The following USH2A variants were observed in gnomAD, a reference collection of about 807,000 sequenced individuals.
USH2A encodes the protein Usher syndrome 2A (autosomal recessive, mild).
USH2A carries 443 observed loss-of-function variants against 538.9 expected under a neutral mutation model. That is an observed-to-expected ratio of 0.82 (90% CI 0.76 to 0.89). The LOEUF is 0.89. Ranked by LOEUF, USH2A falls within the 40% of genes least tolerant of loss-of-function variation. The probability of loss-of-function intolerance (pLI) is 0.00; values close to 1 mark genes in which losing one functional copy is unlikely to be tolerated. For missense variants in USH2A, 6,633 were observed against 6,324.8 expected (o/e 1.05, Z -1.65); for synonymous variants, 2,413 against 2,273.5 (o/e 1.06, Z -1.75).
rs189610011 is a variant in USH2A at position 215,884,308 on chromosome 1, T to A, written c.8223+4118A>T. The stretch of plus-strand genomic sequence containing the variant: ...AACATCGGCATTCTGATTTGAATGA[T>A]GTTCAGTTTATATGTTGACTTTGGA... On this transcript the variant is annotated intron_variant, in intron 41 of 71. Coordinates refer to ENST00000307340, the MANE Select transcript of USH2A (RefSeq NM_206933.4). Among the ~76,000 whole-genome samples the A allele has an allele frequency of 3.3e-5, 5 of 152,372 alleles. No homozygotes were observed. The East Asian group carries it at 5.8e-4, about 18-fold the overall frequency.
At chr1:215,653,574 T>C (rs1314867942) in intron 64 of USH2A, among the ~76,000 whole-genome samples, 2 of 152,170 alleles carry the variant, frequency 1.3e-5, no homozygotes, top group Non-Finnish European at 2.9e-5. Context: ...TTCACAAAAC[T>C]TGTATGATGA....
intron 47 of USH2A, among the ~76,000 whole-genome samples, chr1:215,821,331 C>T: frequency 6.6e-6 from 1 of 151,698 alleles, no homozygotes; most frequent in Non-Finnish European, 1.5e-5. Flanking sequence ...AGTTGCAATT[C>T]TCATCTCTTT....
At chr1:216,311,353 A>C (rs529772747) in intron 9 of USH2A, among the ~76,000 whole-genome samples, 1 of 152,270 alleles carries the variant, frequency 6.6e-6, no homozygotes, top group African/African-American at 2.4e-5. Flanking sequence ...CCAGTGTAGA[A>C]AAAAGTGAGT....
chr1:216,342,486 G>T (rs893201653), intron 4 of USH2A, among the ~76,000 whole-genome samples: 9 of 152,090 alleles, frequency 5.9e-5, no homozygotes, highest in Non-Finnish European at 8.8e-5. Flanking sequence ...CCCATTAATG[G>T]GCATATACCC....
At chr1:215,639,018 C>A in intron 69 of USH2A, 137 bp downstream of exon 69, 3 of 833,086 alleles carry the variant, frequency 3.6e-6, no homozygotes, top group Admixed American at 2.3e-5. Flanking sequence ...AAAAAAAACT[C>A]TGACAACACT....
chr1:216,255,914 A>T (rs1273068952), intron 11 of USH2A, among the ~76,000 whole-genome samples: 2 of 152,136 alleles, frequency 1.3e-5, no homozygotes, highest in Non-Finnish European at 2.9e-5. Context: ...TGCTGTTGGT[A>T]CAGAAATATT....
chr1:215,719,133 G>A (rs1163652043), intron 61 of USH2A, among the ~76,000 whole-genome samples: 1 of 152,120 alleles, frequency 6.6e-6, no homozygotes, highest in Non-Finnish European at 1.5e-5. Flanking sequence ...TATGATTTGA[G>A]AAGTGTGAGA....
intron 25 of USH2A, among the ~76,000 whole-genome samples, chr1:216,083,967 T>C (rs1278526554): frequency 6.6e-6 from 1 of 152,112 alleles, no homozygotes; most frequent in Admixed American, 6.6e-5. Context: ...ATTAATATCA[T>C]ATGCCTTTTT....
At chr1:216,143,414 A>G (rs1054222439) in intron 21 of USH2A, among the ~76,000 whole-genome samples, 6 of 152,120 alleles carry the variant, frequency 3.9e-5, no homozygotes, top group Non-Finnish European at 7.4e-5. Flanking sequence ...TTTCATAACT[A>G]TTAGGTGATT....
chr1:216,311,189 T>C (rs2037413708), intron 9 of USH2A, among the ~76,000 whole-genome samples: 2 of 152,196 alleles, frequency 1.3e-5, no homozygotes. Context: ...ATGACAGACC[T>C]ACATCCCCCT....
rs1661140539 is a variant in USH2A, at chr1:215,766,743, G to A, written c.10985C>T (p.Thr3662Ile). 3 of 1,613,528 alleles carry A rather than the reference G, an allele frequency of 1.9e-6. No individual in the cohort carries two copies. The highest frequency in any genetic ancestry group is 1.7e-5 in the Admixed American group (1 of 59,978). Residue 3662 changes from threonine (T) to isoleucine (I), a missense_variant, in exon 56 of 72, where the codon ACA (threonine) becomes ATA (isoleucine). By Grantham distance (89) the Thr-to-Ile change is moderately conservative. Coordinates refer to ENST00000307340, the MANE Select transcript of USH2A (RefSeq NM_206933.4). ...CTCGCTTGAAGTGCACCCAGCAGATGTACAAGCTGTAAGAGTGAAGCTGTA... is the reference window on the plus strand; with the variant it reads ...CTCGCTTGAAGTGCACCCAGCAGATATACAAGCTGTAAGAGTGAAGCTGTA... ...TNYSFTLTAC[T>I]SAGCTSSEPF...
intron 9 of USH2A, among the ~76,000 whole-genome samples, chr1:216,297,406 A>G (rs1319750766): frequency 6.6e-6 from 1 of 152,148 alleles, no homozygotes; most frequent in East Asian, 1.9e-4. Context: ...CATCTTCAAA[A>G]TGAAGATAAC....
intron 11 of USH2A, among the ~76,000 whole-genome samples, chr1:216,278,011 C>T (rs2036703329): frequency 6.6e-6 from 1 of 152,082 alleles, no homozygotes; most frequent in Admixed American, 6.6e-5. Flanking sequence ...TCTGTTTAGC[C>T]TATTCTAACT....
rs1416125197 is a variant in USH2A, at chr1:215,743,414, G to GTCTATATATATA, written c.11390-80_11390-79insTATATATATAGA. ...TGTGTGTGTGTGTGTGTGTGTGTGT[G>GTCTATATATATA]TGTATATATATATAGACACACATAT... is the stretch of plus-strand genomic sequence containing the variant. On this transcript the variant is annotated intron_variant, in intron 58 of 71. Coordinates refer to ENST00000307340, the MANE Select transcript of USH2A (RefSeq NM_206933.4). 3.9e-4 allele frequency: 154 copies of GTCTATATATATA among 393,194 alleles called. 10 individuals carry two copies. Among genetic ancestry groups the GTCTATATATATA allele is most frequent in the Non-Finnish European group, 5.2e-4 (130 of 248,284 alleles). The allele number at this position is 393,194 out of a possible 1,614,324, so 24.4% of individuals were successfully genotyped here.
chr1:215,768,984 G>C (rs1661206353), intron 55 of USH2A, among the ~76,000 whole-genome samples: 1 of 152,148 alleles, frequency 6.6e-6, no homozygotes, highest in African/African-American at 2.4e-5. Flanking sequence ...AAGGATTGCA[G>C]GGATATGAGG....
At chr1:216,399,598 C>G (rs2039273979) in intron 3 of USH2A, among the ~76,000 whole-genome samples, 1 of 152,074 alleles carries the variant, frequency 6.6e-6, no homozygotes, top group Non-Finnish European at 1.5e-5. Context: ...CACTCCATTC[C>G]CCACCTCCCC....
intron 11 of USH2A, among the ~76,000 whole-genome samples, chr1:216,280,450 T>A (rs2036752711): frequency 6.6e-6 from 1 of 151,948 alleles, no homozygotes; most frequent in South Asian, 2.1e-4. Flanking sequence ...GACACAGACA[T>A]AAATTGTATC....
At chr1:216,284,657 G>T (rs2036847294) in intron 11 of USH2A, among the ~76,000 whole-genome samples, 1 of 152,164 alleles carries the variant, frequency 6.6e-6, no homozygotes. Context: ...ACAGGCAGAG[G>T]CTGGAACAGT....
At chr1:215,865,960 C>G (rs1664457786) in intron 44 of USH2A, among the ~76,000 whole-genome samples, 1 of 152,194 alleles carries the variant, frequency 6.6e-6, no homozygotes, top group Non-Finnish European at 1.5e-5. Flanking sequence ...AAATTCAAGG[C>G]TGATCCAGTG....
Sources: gnomAD v4.1 joint callset for allele counts (sites outside exome capture counted in the v4.1 genomes callset) on GRCh38, gnomAD v4.1.1 for gene constraint, MANE v1.5 for transcripts, NCBI Gene and HGNC (gene_info 2026-07-23, HGNC 2026-07-21) for gene names.